The following IWS1 variants were observed in gnomAD, a reference collection of about 807,000 sequenced individuals.
The protein encoded by IWS1 is interacts with SUPT6H, CTD assembly factor 1, also known as protein IWS1 homolog.
IWS1 carries 27 observed loss-of-function variants against 86.7 expected under a neutral mutation model. The ratio of observed to expected loss-of-function variants is 0.31; its 90% CI spans 0.23 to 0.43. IWS1 has a LOEUF of 0.43. Ranked by LOEUF, IWS1 falls within the 20% of genes least tolerant of loss-of-function variation. The pLI is 1.00. For missense variants in IWS1, 827 were observed against 1,000.8 expected, an observed-to-expected ratio of 0.83 and a Z score of 2.34; for synonymous variants, 313 against 335.1, an observed-to-expected ratio of 0.93 and a Z score of 0.72.
chr2:127,496,274 T>C, intron 6 of IWS1, 126 bp from the exon 7 acceptor site: 1 of 1,054,054 alleles, frequency 9.5e-7, no homozygotes, highest in Non-Finnish European at 1.4e-6. Context: ...CTTTTAAAAG[T>C]GCAAATACAG....
intron 2 of IWS1, among the ~76,000 whole-genome samples, chr2:127,519,292 T>C (rs1326558987): frequency 1.3e-5 from 2 of 152,224 alleles, no homozygotes; most frequent in African/African-American, 4.8e-5. Context: ...TAGTCTGATA[T>C]GAGACTTGTT....
At chr2:127,485,108 G>GGA (rs748897338) in intron 13 of IWS1, among the ~76,000 whole-genome samples, 1 of 151,938 alleles carries the variant, frequency 6.6e-6, no homozygotes, top group African/African-American at 2.4e-5. Flanking sequence ...GAAAGAGGAG[G>GGA]GAGAGAGAGA....
chr2:127,488,375 T>C (rs574065748), intron 12 of IWS1, among the ~76,000 whole-genome samples: 1 of 152,206 alleles, frequency 6.6e-6, no homozygotes, highest in Non-Finnish European at 1.5e-5. Context: ...AGAACTTGCC[T>C]GGTCCCTCAA....
chr2:127,486,519 T>G, intron 13 of IWS1, 34 bp downstream of exon 13: 1,120 of 1,369,656 alleles, frequency 8.2e-4, no homozygotes, highest in Non-Finnish European at 1.1e-3. Flanking sequence ...AATCTGCAGG[T>G]GAGATCCACC....
intron 5 of IWS1, among the ~76,000 whole-genome samples, chr2:127,501,332 G>C (rs933748929): frequency 6.6e-6 from 1 of 151,602 alleles, no homozygotes; most frequent in African/African-American, 2.4e-5. Flanking sequence ...TTTTCTGAAC[G>C]TATTTTTTTT....
In IWS1 at chr2:127,486,681, G is replaced by A; in HGVS notation, c.2217-17C>T. 6.3e-7 allele frequency: 1 copy of A among 1,596,710 alleles called. No individual in the cohort carries two copies. Among genetic ancestry groups the A allele is most frequent in the South Asian group, 1.1e-5 (1 of 90,664 alleles). ...CTAAGAGCCCTGAAAAAGGGAAGAGGAAGAGCATGCTTCTTATGTGGCCAG... is the reference window on the plus strand; with the variant it reads ...CTAAGAGCCCTGAAAAAGGGAAGAGAAAGAGCATGCTTCTTATGTGGCCAG... On this transcript the variant is annotated splice_polypyrimidine_tract_variant and intron_variant, in intron 12 of 13. Coordinates refer to ENST00000295321, the MANE Select transcript of IWS1 (RefSeq NM_017969.3).
intron 1 of IWS1, among the ~76,000 whole-genome samples, chr2:127,524,061 T>C (rs1692255825): frequency 6.6e-6 from 1 of 152,260 alleles, no homozygotes; most frequent in Admixed American, 6.5e-5. Context: ...GTCAACAATT[T>C]ATTTCAACTT....
chr2:127,518,255 C>T (rs189916805), intron 2 of IWS1, among the ~76,000 whole-genome samples: 43 of 152,292 alleles, frequency 2.8e-4, no homozygotes, highest in Admixed American at 2.2e-3. Context: ...GGTGCTCATA[C>T]CTGTAATCCC....
At chr2:127,518,028 G>A (rs891754206) in intron 2 of IWS1, among the ~76,000 whole-genome samples, 1 of 152,160 alleles carries the variant, frequency 6.6e-6, no homozygotes, top group Non-Finnish European at 1.5e-5. Flanking sequence ...GAGACAGAAA[G>A]TATATCAGTG....
At chr2:127,495,661 A>C (rs1045626075) in intron 7 of IWS1, among the ~76,000 whole-genome samples, 2 of 152,216 alleles carry the variant, frequency 1.3e-5, no homozygotes, top group African/African-American at 4.8e-5. Flanking sequence ...ATCAGGAGCA[A>C]GAGAACGACA....
chr2:127,495,895 C>A, intron 7 of IWS1, 103 bp downstream of exon 7: 1 of 1,028,932 alleles, frequency 9.7e-7, no homozygotes, highest in Non-Finnish European at 1.4e-6. Flanking sequence ...TTACAAAAAG[C>A]AAAGCATCTT....
At chr2:127,523,221 C>CATT (rs1036280544) in intron 2 of IWS1, among the ~76,000 whole-genome samples, 1 of 151,976 alleles carries the variant, frequency 6.6e-6, no homozygotes, top group Non-Finnish European at 1.5e-5. Context: ...AAAAAAAAAG[C>CATT]ATTATTATTA....
intron 2 of IWS1, among the ~76,000 whole-genome samples, chr2:127,508,041 A>G (rs529300389): frequency 8.5e-5 from 13 of 152,262 alleles, no homozygotes; most frequent in African/African-American, 3.1e-4. Context: ...AATCCAAAAC[A>G]CTTCTGATTT....
chr2:127,495,019 G>A (rs78328650), intron 7 of IWS1, 65 bp from the exon 8 acceptor site: 1 of 953,472 alleles, frequency 1.0e-6, no homozygotes, highest in South Asian at 1.6e-5. Context: ...TGAATTCACT[G>A]TAATTCTGAA....
chr2:127,489,285 C>T lies in IWS1; in HGVS notation c.2160-50G>A. 7.2e-7 allele frequency: 1 copy of T among 1,384,692 alleles called. No homozygotes were observed. 85.8% of individuals were successfully genotyped at this position (1,384,692 alleles called of 1,614,324 possible). A position where few individuals can be genotyped will look rare whatever the true frequency, so the allele number is the denominator to read the frequency against. Reference sequence around the variant, plus strand: ...TACCAGGAATATTAGAACCTAATAACTCAGAAAAAGAGCAAACTAAAAATC... The same window carrying T: ...TACCAGGAATATTAGAACCTAATAATTCAGAAAAAGAGCAAACTAAAAATC... On this transcript the variant is annotated intron_variant, in intron 11 of 13. Coordinates refer to ENST00000295321, the MANE Select transcript of IWS1 (RefSeq NM_017969.3). This position sits in a 1 kb window ranked among gnomAD's most constrained non-coding sequence, Gnocchi z 4.8.
At chr2:127,495,566 T>C (rs1407955142) in intron 7 of IWS1, among the ~76,000 whole-genome samples, 2 of 152,244 alleles carry the variant, frequency 1.3e-5, no homozygotes, top group Non-Finnish European at 2.9e-5. Flanking sequence ...CCAAAAGATC[T>C]GAACTTGTTT....
rs1192042017 is a variant in IWS1, at chr2:127,496,074, C to T, written c.1640G>A (p.Arg547His). 3.1e-6 allele frequency: 5 copies of T among 1,614,022 alleles called. No individual in the cohort carries two copies. Among genetic ancestry groups the T allele is most frequent in the African/African-American group, 1.3e-5 (1 of 75,022 alleles). ...KSMSGKRRRN[R>H]DGGTFISDAD... ...ATCACTAATAAAGGTGCCACCATCG[C>T]GGTTCCGTCTGCGCTTGCCACTCAT... Residue 547 changes from arginine (R) to histidine (H), a missense_variant, in exon 7 of 14, where the codon CGC (arginine) becomes CAC (histidine). Physicochemically the swap from Arg to His is conservative, Grantham distance 29. Coordinates refer to ENST00000295321, the MANE Select transcript of IWS1 (RefSeq NM_017969.3).
At chr2:127,516,921 CAAG>C (rs1378783951) in intron 2 of IWS1, among the ~76,000 whole-genome samples, 1 of 152,082 alleles carries the variant, frequency 6.6e-6, no homozygotes, top group Non-Finnish European at 1.5e-5. Context: ...TAGCAATATA[CAAG>C]GTTTGTTCCC....
chr2:127,497,198 T>C lies in IWS1; in HGVS notation c.1565+942A>G, dbSNP rs186382517. On this transcript the variant is annotated intron_variant, in intron 6 of 13. Coordinates refer to ENST00000295321, the MANE Select transcript of IWS1 (RefSeq NM_017969.3). Reference sequence around the variant, plus strand: ...CTTTATTTCAATTCCTGTACTACCCTGTTATATATACACATATAAATCGCT... The same window carrying C: ...CTTTATTTCAATTCCTGTACTACCCCGTTATATATACACATATAAATCGCT... Among the ~76,000 whole-genome samples, 716 of 152,354 alleles carry C rather than the reference T, an allele frequency of 4.7e-3. 11 individuals are homozygous for C. The highest frequency in any genetic ancestry group is 2.7e-3 in the Non-Finnish European group (183 of 68,034).
Sources: gnomAD v4.1 joint callset for allele counts (sites outside exome capture counted in the v4.1 genomes callset) on GRCh38, gnomAD v4.1.1 for gene constraint, Gnocchi (gnomAD v3.1) non-coding constraint, MANE v1.5 for transcripts, NCBI Gene and HGNC (gene_info 2026-07-23, HGNC 2026-07-21) for gene names.